Variants in HMCN1 observed in about 807,000 individuals in gnomAD.
The protein encoded by HMCN1 is hemicentin-1.
A neutral mutation model predicts 625.9 loss-of-function variants in HMCN1; 321 were observed. The ratio of observed to expected loss-of-function variants is 0.51; its 90% CI spans 0.47 to 0.56. The LOEUF (loss-of-function observed/expected upper bound fraction) is 0.56, where lower values mean the gene tolerates loss of function less well. HMCN1 is among the 20% of genes least tolerant of loss of function. The probability of loss-of-function intolerance (pLI) is 0.00; values close to 1 mark genes in which losing one functional copy is unlikely to be tolerated. For synonymous variants in HMCN1, 2,425 were observed against 2,417.6 expected, an observed-to-expected ratio of 1.00 and a Z score of -0.09; for missense variants, 6,588 against 6,887.3, an observed-to-expected ratio of 0.96 and a Z score of 1.54.
intron 1 of HMCN1, among the ~76,000 whole-genome samples, chr1:185,825,309 T>C (rs1032799475): frequency 1.3e-5 from 2 of 152,160 alleles, no homozygotes; most frequent in Admixed American, 1.3e-4. Context: ...AATTCAGTGC[T>C]TTTTCTATTA....
chr1:185,930,175 A>G (rs1667471044), intron 10 of HMCN1, among the ~76,000 whole-genome samples: 2 of 152,150 alleles, frequency 1.3e-5, no homozygotes, highest in Admixed American at 1.3e-4. Context: ...ATAACTAGGA[A>G]ATTGTACTGT....
intron 6 of HMCN1, among the ~76,000 whole-genome samples, chr1:185,918,546 C>G (rs186720562): frequency 6.6e-6 from 1 of 152,270 alleles, no homozygotes; most frequent in Admixed American, 6.5e-5. Flanking sequence ...GAATACTTTA[C>G]CAGCTATCTA....
At chr1:185,943,892 ACACTCAT>A (rs1668204300) in intron 11 of HMCN1, among the ~76,000 whole-genome samples, 1 of 152,164 alleles carries the variant, frequency 6.6e-6, no homozygotes, top group African/African-American at 2.4e-5. Context: ...CATACAAAAG[ACACTCAT>A]CACTCAGGAG....
At chr1:185,811,403 G>A (rs145967272) in intron 1 of HMCN1, among the ~76,000 whole-genome samples, 8 of 151,984 alleles carry the variant, frequency 5.3e-5, no homozygotes, top group East Asian at 1.9e-4. Flanking sequence ...TAGCCTGGGC[G>A]ATATAGTGAG....
At chr1:185,879,100 T>C (rs898979072) in intron 4 of HMCN1, among the ~76,000 whole-genome samples, 14 of 152,206 alleles carry the variant, frequency 9.2e-5, no homozygotes, top group African/African-American at 3.1e-4. Context: ...CTTTCCATTC[T>C]ATTTTCATAA....
At chr1:186,054,293 G>A (rs775552728) in intron 44 of HMCN1, among the ~76,000 whole-genome samples, 5 of 151,812 alleles carry the variant, frequency 3.3e-5, no homozygotes, top group Non-Finnish European at 7.4e-5. Context: ...TAACATAGGG[G>A]ATATTTACAA....
At chr1:186,008,097 C>T (rs1156980188) in intron 30 of HMCN1, among the ~76,000 whole-genome samples, 1 of 152,130 alleles carries the variant, frequency 6.6e-6, no homozygotes, top group Non-Finnish European at 1.5e-5. Context: ...TATTTGATTG[C>T]TTAATTATAG....
At chr1:186,109,451 G>T (rs2102459838) in intron 71 of HMCN1, among the ~76,000 whole-genome samples, 1 of 152,290 alleles carries the variant, frequency 6.6e-6, no homozygotes, top group Middle Eastern at 3.4e-3. Context: ...AATGCCAGGT[G>T]CTATGATTGC....
intron 4 of HMCN1, among the ~76,000 whole-genome samples, chr1:185,876,879 A>G (rs537476968): frequency 6.6e-6 from 1 of 151,904 alleles, no homozygotes; most frequent in South Asian, 2.1e-4. Context: ...TTACTCCACT[A>G]GTTATTTCTT....
chr1:185,943,942 C>G (rs1316646425), intron 11 of HMCN1, among the ~76,000 whole-genome samples: 1 of 152,158 alleles, frequency 6.6e-6, no homozygotes, highest in Non-Finnish European at 1.5e-5. Flanking sequence ...TGCAAGGAAT[C>G]AGGACAAAGA....
At chr1:186,017,444 T>C (rs1654437674) in intron 33 of HMCN1, among the ~76,000 whole-genome samples, 1 of 152,064 alleles carries the variant, frequency 6.6e-6, no homozygotes, top group Non-Finnish European at 1.5e-5. Flanking sequence ...CCAGACATAG[T>C]AGGTAAATAG....
chr1:186,003,983 T>C, intron 29 of HMCN1, 139 bp downstream of exon 29: 1 of 817,426 alleles, frequency 1.2e-6, no homozygotes. Context: ...ACAATATTGC[T>C]CAAAAGCTAG....
chr1:185,911,598 T>C (rs1666423594), intron 5 of HMCN1, 76 bp from the exon 6 acceptor site: 2 of 1,052,112 alleles, frequency 1.9e-6, no homozygotes, highest in Non-Finnish European at 3.0e-6. Context: ...CTCTTAGTTT[T>C]ATGTAGTGTT....
In HMCN1 at chr1:185,784,439, G is replaced by T. The variant is rs372180772; in HGVS notation, c.268+49392G>T. Among the ~76,000 whole-genome samples the T allele has an allele frequency of 3.3e-5, 5 of 152,158 alleles. No individual in the cohort carries two copies. In the East Asian group the frequency reaches 7.7e-4, roughly 24 times the overall value. The stretch of plus-strand genomic sequence containing the variant: ...AATGCAGAAATCACCCGTCTTCTGC[G>T]TCGCTCATGCTGGGAGCTGTCGACT... On this transcript the variant is annotated intron_variant, in intron 1 of 106. Transcript: ENST00000271588.
chr1:186,034,959 T>A (rs11576597), intron 36 of HMCN1, among the ~76,000 whole-genome samples: 2,164 of 152,284 alleles, frequency 0.014, 18 homozygotes, highest in Middle Eastern at 0.037. Context: ...TCCATAGCTC[T>A]TGTATTTCTT....
intron 58 of HMCN1, among the ~76,000 whole-genome samples, chr1:186,086,758 A>C (rs1659494867): frequency 6.6e-6 from 1 of 151,374 alleles, no homozygotes; most frequent in African/African-American, 2.4e-5. Flanking sequence ...GATGATAGAC[A>C]TAGATAGATA....
At chr1:186,000,585 G>A (rs187651198) in intron 26 of HMCN1, among the ~76,000 whole-genome samples, 5 of 147,196 alleles carry the variant, frequency 3.4e-5, no homozygotes, top group Non-Finnish European at 5.9e-5. Context: ...GTGTGTGTGT[G>A]TGTGTGTATG....
chr1:185,808,483 C>T (rs775187626), intron 1 of HMCN1, among the ~76,000 whole-genome samples: 4 of 152,326 alleles, frequency 2.6e-5, no homozygotes, highest in Non-Finnish European at 4.4e-5. Context: ...CATGCTACTG[C>T]ACTGCAGCCT....
rs1162393274 is a variant in HMCN1, at chr1:185,963,767, G to A, written c.1971-1G>A. The stretch of plus-strand genomic sequence containing the variant: ...ATATTCTTTTTGTTTTTTATTCATA[G>A]GTATAGGATGACCTCAGATGGTACC... On this transcript the variant is annotated splice_acceptor_variant, in intron 12 of 106. Coordinates refer to ENST00000271588, the MANE Select transcript of HMCN1 (RefSeq NM_031935.3). LOFTEE classifies it high-confidence loss of function. 1.3e-6 allele frequency: 2 copies of A among 1,593,698 alleles called. No homozygotes were observed. The highest frequency in any genetic ancestry group is 4.5e-5 in the East Asian group (2 of 44,656).
Sources: gnomAD v4.1 joint callset for allele counts (sites outside exome capture counted in the v4.1 genomes callset) on GRCh38, gnomAD v4.1.1 for gene constraint, MANE v1.5 for transcripts, NCBI Gene and HGNC (gene_info 2026-07-23, HGNC 2026-07-21) for gene names.